Variants in GPR107 observed in about 807,000 individuals in gnomAD.
GPR107 encodes the protein protein GPR107.
A neutral mutation model predicts 75.5 loss-of-function variants in GPR107; 31 were observed. The ratio of observed to expected loss-of-function variants is 0.41; its 90% confidence interval spans 0.31 to 0.55. GPR107 has a LOEUF of 0.55. Among genes scored for constraint, GPR107 ranks in the 20% least tolerant of loss-of-function variants. GPR107 has a pLI of 0.26. For synonymous variants in GPR107, 267 were observed against 251.3 expected, an observed-to-expected ratio of 1.06 and a Z score of -0.59; for missense variants, 572 against 665.7, an observed-to-expected ratio of 0.86 and a Z score of 1.55.
chr9:130,081,165 G>A (rs1830486485), intron 5 of GPR107, among the ~76,000 whole-genome samples: 1 of 152,138 alleles, frequency 6.6e-6, no homozygotes, highest in African/African-American at 2.4e-5. Context: ...ATTGAGCCGT[G>A]ATGCACTGCA....
intron 15 of GPR107, among the ~76,000 whole-genome samples, chr9:130,126,342 C>CTTTTTTTTTTTTT (rs1209736605): frequency 8.2e-6 from 1 of 121,864 alleles, no homozygotes; most frequent in African/African-American, 3.0e-5. Flanking sequence ...GTTTCCAAGT[C>CTTTTTTTTTTTTT]TTTTTTTTTT....
chr9:130,056,629 A>G (rs900429397), intron 1 of GPR107, among the ~76,000 whole-genome samples: 2 of 151,976 alleles, frequency 1.3e-5, no homozygotes, highest in South Asian at 2.1e-4. Context: ...ATGTTTTAAG[A>G]AAGTTCACAA....
intron 1 of GPR107, among the ~76,000 whole-genome samples, chr9:130,066,097 C>T (rs1290270747): frequency 6.6e-6 from 1 of 151,986 alleles, no homozygotes; most frequent in Middle Eastern, 3.4e-3. Context: ...ACCTGAAGTT[C>T]AAGACCAGCC....
At chr9:130,070,704 G>A (rs1286799605) in intron 1 of GPR107, among the ~76,000 whole-genome samples, 3 of 152,080 alleles carry the variant, frequency 2.0e-5, no homozygotes, top group Admixed American at 2.0e-4. Flanking sequence ...GGGATTGTGG[G>A]TAACAATTTT....
At chr9:130,058,551 A>G (rs1461775041) in intron 1 of GPR107, among the ~76,000 whole-genome samples, 2 of 148,544 alleles carry the variant, frequency 1.3e-5, no homozygotes, top group Non-Finnish European at 3.0e-5. Flanking sequence ...TGCAACCTCT[A>G]CCTCCCAGGT....
At chr9:130,131,582 C>T (rs1032953340) in intron 17 of GPR107, among the ~76,000 whole-genome samples, 9 of 152,108 alleles carry the variant, frequency 5.9e-5, no homozygotes, top group African/African-American at 2.2e-4. Context: ...CCGGCCCCTC[C>T]TGAATGCCAG....
At chr9:130,106,596 A>AAAATAAATAAAT (rs34201601) in intron 13 of GPR107, among the ~76,000 whole-genome samples, 1 of 131,392 alleles carries the variant, frequency 7.6e-6, no homozygotes, top group Non-Finnish European at 1.6e-5. Context: ...ACTCTGTCTC[A>AAAATAAATAAAT]AAATAAATAA....
Position 130,054,098 on chromosome 9 carries a change from G to T in GPR107, c.141+25G>T, listed in dbSNP as rs745537816. The T allele has an allele frequency of 3.2e-5, 49 of 1,510,406 alleles. No homozygotes were observed. The Middle Eastern group carries it at 6.9e-4, about 21-fold the overall frequency. 93.6% of individuals were successfully genotyped at this position (1,510,406 alleles called of 1,614,324 possible). On this transcript the variant is annotated intron_variant, in intron 1 of 17. Coordinates refer to ENST00000347136, the MANE Select transcript of GPR107 (RefSeq NM_020960.5). ...GGTAAAGCTTGGCAAGGCCGGGCCG[G>T]GGGGCGGAGGCCGAGGCCACTCCCC...
chr9:130,115,018 A>G (rs926369059), intron 14 of GPR107, among the ~76,000 whole-genome samples: 27 of 152,212 alleles, frequency 1.8e-4, no homozygotes, highest in Middle Eastern at 6.3e-3. Flanking sequence ...ACCTAACAAA[A>G]AACCTACTAG....
At chr9:130,092,896 GGCATGA>G (rs1442204734) in intron 9 of GPR107, among the ~76,000 whole-genome samples, 1 of 152,172 alleles carries the variant, frequency 6.6e-6, no homozygotes, top group Non-Finnish European at 1.5e-5. Context: ...TGGGATTACA[GGCATGA>G]GCCACCGTGC....
chr9:130,106,329 T>C (rs1435613028), intron 13 of GPR107, among the ~76,000 whole-genome samples: 1 of 152,152 alleles, frequency 6.6e-6, no homozygotes, highest in African/African-American at 2.4e-5. Context: ...CTGGGCGCGG[T>C]GGTTCACGCC....
intron 9 of GPR107, among the ~76,000 whole-genome samples, chr9:130,095,581 G>A (rs1332933664): frequency 6.6e-6 from 1 of 152,046 alleles, no homozygotes; most frequent in Non-Finnish European, 1.5e-5. Context: ...TTTTAGTAGA[G>A]ACGGGGTTTC....
intron 1 of GPR107, among the ~76,000 whole-genome samples, chr9:130,055,702 T>C (rs979001462): frequency 1.3e-5 from 2 of 152,090 alleles, no homozygotes; most frequent in African/African-American, 4.8e-5. Flanking sequence ...CCTAGCACTT[T>C]GGGAGGCCGA....
intron 14 of GPR107, among the ~76,000 whole-genome samples, chr9:130,111,931 G>A (rs759137548): frequency 4.6e-5 from 7 of 152,078 alleles, no homozygotes; most frequent in Non-Finnish European, 8.8e-5. Flanking sequence ...TGCATCCTCC[G>A]AGAGGGAGCT....
intron 13 of GPR107, 147 bp from the exon 14 acceptor site, chr9:130,107,349 C>A: frequency 1.5e-6 from 1 of 654,030 alleles, no homozygotes; most frequent in South Asian, 1.7e-5. Context: ...CCCCCCTCTA[C>A]CCGTTTTAGG....
intron 1 of GPR107, among the ~76,000 whole-genome samples, chr9:130,063,128 C>T (rs569771401): frequency 2.0e-5 from 3 of 152,092 alleles, no homozygotes; most frequent in Non-Finnish European, 4.4e-5. Flanking sequence ...GGTTTCATCT[C>T]TTTTAAGTGT....
At chr9:130,072,324 A>G (rs1460115818) in intron 1 of GPR107, among the ~76,000 whole-genome samples, 2 of 149,650 alleles carry the variant, frequency 1.3e-5, no homozygotes, top group East Asian at 2.0e-4. Flanking sequence ...GGTTCACGCC[A>G]TTCTCCTGCC....
chr9:130,078,261 G>T (rs574257238), intron 4 of GPR107, among the ~76,000 whole-genome samples: 4 of 152,248 alleles, frequency 2.6e-5, no homozygotes, highest in African/African-American at 9.6e-5. Context: ...ATTGCTGAGG[G>T]AGCCTTTAAG....
chr9:130,134,691 A>T (rs1183540498), intron 17 of GPR107, among the ~76,000 whole-genome samples: 1 of 152,274 alleles, frequency 6.6e-6, no homozygotes. Flanking sequence ...TAACTATCAC[A>T]TATCTGTGCG....
Sources: gnomAD v4.1 joint callset for allele counts (sites outside exome capture counted in the v4.1 genomes callset) on GRCh38, gnomAD v4.1.1 for gene constraint, MANE v1.5 for transcripts, NCBI Gene and HGNC (gene_info 2026-07-23, HGNC 2026-07-21) for gene names.